CRYBG1: variants seen among roughly 807,000 people sequenced by gnomAD.
The protein encoded by CRYBG1 is beta/gamma crystallin domain-containing protein 1.
In CRYBG1, 139 loss-of-function variants were observed where a neutral mutation model predicts 189.2. The observed-to-expected ratio is 0.73, with a 90% CI of 0.64 to 0.85. The LOEUF (loss-of-function observed/expected upper bound fraction) is 0.85, where lower values mean the gene tolerates loss of function less well. CRYBG1 is among the 40% of genes least tolerant of loss of function. The probability of loss-of-function intolerance (pLI) is 0.00; values close to 1 mark genes in which losing one functional copy is unlikely to be tolerated. For synonymous variants in CRYBG1, 1,023 were observed against 1,017.1 expected, an observed-to-expected ratio of 1.01 and a Z score of -0.11; for missense variants, 2,611 against 2,675.8, an observed-to-expected ratio of 0.98 and a Z score of 0.53.
chr6:106,361,238 C>A (rs1327411102), intron 1 of CRYBG1, among the ~76,000 whole-genome samples, 157 bp downstream of exon 1: 1 of 152,212 alleles, frequency 6.6e-6, no homozygotes, highest in African/African-American at 2.4e-5. Context: ...GGGGAGCGAT[C>A]GTAGCCGCTG....
chr6:106,549,747 G>A (rs1339843905), intron 13 of CRYBG1, among the ~76,000 whole-genome samples: 1 of 152,136 alleles, frequency 6.6e-6, no homozygotes, highest in African/African-American at 2.4e-5. Flanking sequence ...CACAGATGTT[G>A]GCTGTTATTA....
intron 1 of CRYBG1, among the ~76,000 whole-genome samples, chr6:106,372,008 G>A (rs1448029704): frequency 1.3e-5 from 2 of 152,218 alleles, no homozygotes; most frequent in South Asian, 2.1e-4. Context: ...CCATCATCAT[G>A]TAGTTTCTTC....
intron 2 of CRYBG1, 48 bp downstream of exon 2, chr6:106,451,880 AGAGCTAAAGCACT>A: frequency 2.7e-6 from 4 of 1,501,612 alleles, no homozygotes; most frequent in Non-Finnish European, 3.6e-6. Flanking sequence ...AACCCTTTAA[AGAGCTAAAGCACT>A]GTAAGATAGC....
chr6:106,415,514 T>G (rs1467018821), intron 1 of CRYBG1, among the ~76,000 whole-genome samples: 1 of 151,564 alleles, frequency 6.6e-6, no homozygotes, highest in Non-Finnish European at 1.5e-5. Flanking sequence ...CGCTTGAGCC[T>G]AGGAGTTCAG....
At chr6:106,463,177 GC>G (rs1159774486) in intron 2 of CRYBG1, among the ~76,000 whole-genome samples, 1 of 151,582 alleles carries the variant, frequency 6.6e-6, no homozygotes, top group Non-Finnish European at 1.5e-5. Flanking sequence ...AAGCCAGTGT[GC>G]TGTTTTAGTA....
chr6:106,425,887 C>T (rs1771215725), intron 1 of CRYBG1, among the ~76,000 whole-genome samples: 1 of 152,186 alleles, frequency 6.6e-6, no homozygotes, highest in South Asian at 2.1e-4. Context: ...ATCCACCTGC[C>T]TCAGCCTCCC....
intron 8 of CRYBG1, among the ~76,000 whole-genome samples, chr6:106,538,149 A>G (rs569676740): frequency 7.2e-6 from 1 of 138,300 alleles, no homozygotes; most frequent in East Asian, 1.9e-4. Flanking sequence ...ATCACTAAGA[A>G]GTCTATGTTT....
At chr6:106,367,120 A>G (rs1049470584) in intron 1 of CRYBG1, among the ~76,000 whole-genome samples, 4 of 152,138 alleles carry the variant, frequency 2.6e-5, no homozygotes, top group African/African-American at 9.7e-5. Context: ...AGCATACGAT[A>G]ATCATTTGCC....
chr6:106,511,983 C>A lies in CRYBG1; in HGVS notation c.866C>A (p.Ala289Asp). The change falls in exon 3 of 22, where the codon GCT (alanine) becomes GAT (aspartate). Residue 289 changes from alanine to aspartate, a missense_variant. Transcript: ENST00000633556. ...CCAGGTGCTGGCCACGAACAGGAGG[C>A]TTTCCTGGGTGTGAGGGGTGCGCCA... ...ASPGAGHEQE[A>D]FLGVRGAPGS... 6.5e-7 allele frequency: 1 copy of A among 1,530,218 alleles called. No individual in the cohort carries two copies. The highest frequency in any genetic ancestry group is 8.7e-7 in the Non-Finnish European group (1 of 1,143,478). 94.8% of individuals were successfully genotyped at this position (1,530,218 alleles called of 1,614,324 possible).
At chr6:106,376,745 C>G (rs1770170848) in intron 1 of CRYBG1, among the ~76,000 whole-genome samples, 1 of 152,180 alleles carries the variant, frequency 6.6e-6, no homozygotes, top group South Asian at 2.1e-4. Context: ...GTTATTTAAA[C>G]ACTTCTCAAT....
chr6:106,378,556 C>T (rs1372803106), intron 1 of CRYBG1, among the ~76,000 whole-genome samples: 1 of 152,184 alleles, frequency 6.6e-6, no homozygotes, highest in Non-Finnish European at 1.5e-5. Flanking sequence ...ACAGACACTA[C>T]GTATTTCAGA....
chr6:106,512,028 G>A lies in CRYBG1; in HGVS notation c.911G>A (p.Arg304Gln), dbSNP rs1185642489. Residue 304 changes from arginine to glutamine, a missense_variant, in exon 3 of 22, where the codon CGG becomes CAG. Arg to Gln is a conservative substitution (Grantham distance 43). Coordinates refer to ENST00000633556, the MANE Select transcript of CRYBG1 (RefSeq NM_001371242.2). ...RGAPGSPTQE[R>Q]PAGGLGEAPN... ...GCGCCAGGGTCGCCCACCCAGGAGC[G>A]GCCCGCGGGAGGACTAGGCGAGGCC... The A allele has an allele frequency of 2.7e-5, 41 of 1,529,576 alleles. No individual in the cohort carries two copies. Among genetic ancestry groups the A allele is most frequent in the Non-Finnish European group, 3.4e-5 (39 of 1,143,492 alleles). The allele number at this position is 1,529,576 out of a possible 1,614,324, so 94.8% of individuals were successfully genotyped here. A position where few individuals can be genotyped will look rare whatever the true frequency, so the allele number is the denominator to read the frequency against.
chr6:106,516,455 A>C (rs1773421186), intron 3 of CRYBG1, among the ~76,000 whole-genome samples: 1 of 152,130 alleles, frequency 6.6e-6, no homozygotes, highest in African/African-American at 2.4e-5. Context: ...GCTGGTCTGG[A>C]ACTCCTGACC....
In CRYBG1 at chr6:106,527,417, GAAGCAGAGTCTGAT is replaced by G; in HGVS notation, c.4530_4543del (p.Glu1511SerfsTer16). ...AGAAGACATTTTGGAAAGGCACGAAGAAGCAGAGTCTGATAAGCCAGTGGTGATTGGTTCCATCA... is the reference window on the plus strand; with the variant it reads ...AGAAGACATTTTGGAAAGGCACGAAGAAGCCAGTGGTGATTGGTTCCATCA... On this transcript the variant is annotated frameshift_variant, in exon 7 of 22. Coordinates refer to ENST00000633556, the MANE Select transcript of CRYBG1 (RefSeq NM_001371242.2). LOFTEE classifies it high-confidence loss of function. 1.9e-6 allele frequency: 3 copies of G among 1,613,786 alleles called. No individual in the cohort carries two copies. The highest frequency in any genetic ancestry group is 2.5e-6 in the Non-Finnish European group (3 of 1,179,802).
intron 1 of CRYBG1, among the ~76,000 whole-genome samples, chr6:106,406,885 C>T (rs1455298922): frequency 6.6e-6 from 1 of 152,142 alleles, no homozygotes; most frequent in African/African-American, 2.4e-5. Context: ...CTGAAGGAAG[C>T]ACTAAATATG....
chr6:106,560,951 G>T (rs1218339871), intron 19 of CRYBG1, 25 bp downstream of exon 19: 1 of 1,542,178 alleles, frequency 6.5e-7, no homozygotes, highest in East Asian at 2.3e-5. Flanking sequence ...TCCATGCTCT[G>T]CATAGACTCT....
rs112605110 is a variant in CRYBG1, at chr6:106,555,974, G to A, written c.5715+77G>A. ...GATGGTCAGAGTGAGGTAACCAGCCGGTAGAACCTGCTCTTAAAGTTAGTT... is the reference window on the plus strand; with the variant it reads ...GATGGTCAGAGTGAGGTAACCAGCCAGTAGAACCTGCTCTTAAAGTTAGTT... On this transcript the variant is annotated intron_variant, in intron 17 of 21. Coordinates refer to ENST00000633556, the MANE Select transcript of CRYBG1 (RefSeq NM_001371242.2). 1.0e-3 allele frequency: 1,572 copies of A among 1,524,570 alleles called. 13 individuals carry two copies. In the African/African-American group the frequency reaches 0.018, roughly 17 times the overall value. The allele number at this position is 1,524,570 out of a possible 1,614,324, so 94.4% of individuals were successfully genotyped here.
intron 2 of CRYBG1, among the ~76,000 whole-genome samples, chr6:106,481,761 G>A (rs556145721): frequency 6.6e-6 from 1 of 152,312 alleles, no homozygotes; most frequent in South Asian, 2.1e-4. Context: ...GGCCACTGAA[G>A]GCCGGCCTAT....
intron 1 of CRYBG1, among the ~76,000 whole-genome samples, chr6:106,400,568 A>G (rs1034162005): frequency 5.9e-5 from 9 of 152,340 alleles, no homozygotes; most frequent in African/African-American, 2.2e-4. Flanking sequence ...TGTTGGAGGA[A>G]ACTGAATGAC....
Sources: gnomAD v4.1 joint callset for allele counts (sites outside exome capture counted in the v4.1 genomes callset) on GRCh38, gnomAD v4.1.1 for gene constraint, MANE v1.5 for transcripts, NCBI Gene and HGNC (gene_info 2026-07-23, HGNC 2026-07-21) for gene names.